VPS33A: variants seen among roughly 807,000 people sequenced by gnomAD.
VPS33A encodes the protein VPS33A core subunit of CORVET and HOPS complexes.
VPS33A carries 32 observed loss-of-function variants against 71.8 expected under a neutral mutation model. The ratio of observed to expected loss-of-function variants is 0.45; its 90% CI spans 0.34 to 0.60. The LOEUF is 0.60. Among genes scored for constraint, VPS33A ranks in the 20% least tolerant of loss-of-function variants. The pLI is 0.02. For missense variants in VPS33A, 625 were observed against 748.5 expected, an observed-to-expected ratio of 0.84 and a Z score of 1.92; for synonymous variants, 311 against 292.7, an observed-to-expected ratio of 1.06 and a Z score of -0.64.
rs1387242200 is a variant in VPS33A at position 122,259,259 on chromosome 12, GC to G, written c.483+2001del. On this transcript the variant is annotated intron_variant, in intron 4 of 12. Transcript: ENST00000267199. ...TTTGAGACAGAGTTTCACTCTTGTT[GC>G]CCAGGCTGGAGTGCAATGGCGTGAT... is the stretch of plus-strand genomic sequence containing the variant. 3.9e-5 allele frequency among the ~76,000 whole-genome samples: 6 copies of G among 151,970 alleles called. No homozygotes were observed. The East Asian group carries it at 1.2e-3, about 29-fold the overall frequency.
chr12:122,262,860 G>A (rs998722074), intron 3 of VPS33A, among the ~76,000 whole-genome samples: 23 of 151,860 alleles, frequency 1.5e-4, no homozygotes, highest in Non-Finnish European at 2.6e-4. Flanking sequence ...CATAGCAGGC[G>A]CATGTATTTA....
chr12:122,249,758 A>G, intron 6 of VPS33A, 113 bp downstream of exon 6: 1 of 1,080,030 alleles, frequency 9.3e-7, no homozygotes, highest in Non-Finnish European at 1.3e-6. Context: ...AATCATTAAA[A>G]TCGGATCTCT....
Position 122,232,297 on chromosome 12 carries a change from T to A in VPS33A, c.1740A>T (p.Lys580Asn), listed in dbSNP as rs770141578. The change falls in exon 13 of 13, where the codon AAA (lysine) becomes AAT (asparagine). Residue 580 changes from lysine (K) to asparagine (N), a missense_variant. Transcript: ENST00000267199. ...CTATCCAACTGGTTCCATTCATTAG[T>A]TTAGTGGTGGCAATGACATATTCTG... is the stretch of plus-strand genomic sequence containing the variant. ...GGTEYVIATTKLMNGTSWIEA... is the reference protein window; with the variant it reads ...GGTEYVIATTNLMNGTSWIEA... The A allele has an allele frequency of 6.2e-7, 1 of 1,614,116 alleles. No individual in the cohort carries two copies. The highest frequency in any genetic ancestry group is 8.5e-7 in the Non-Finnish European group (1 of 1,180,028).
At position 122,245,255 on chromosome 12, in the gene VPS33A, C is replaced by T. The variant is rs537359012; in HGVS notation, c.776-493G>A. Among the ~76,000 whole-genome samples the T allele has an allele frequency of 2.0e-4, 31 of 152,010 alleles. No homozygotes were observed. The South Asian group carries it at 6.2e-3, about 31-fold the overall frequency. Reference sequence around the variant, plus strand: ...CTGTTAGAGAAGCTAGTGGTGGCTTCGTTTTATTTTTTTTTTAAATAAAAC... The same window carrying T: ...CTGTTAGAGAAGCTAGTGGTGGCTTTGTTTTATTTTTTTTTTAAATAAAAC... On this transcript the variant is annotated intron_variant, in intron 6 of 12. Coordinates refer to ENST00000267199, the MANE Select transcript of VPS33A (RefSeq NM_022916.6).
At chr12:122,235,005 CAG>C (rs1165803024) in intron 11 of VPS33A, among the ~76,000 whole-genome samples, 1 of 152,132 alleles carries the variant, frequency 6.6e-6, no homozygotes, top group Non-Finnish European at 1.5e-5. Flanking sequence ...TTATTTGAGA[CAG>C]AGTCTTACTG....
At chr12:122,255,800 T>C (rs1954909854) in intron 4 of VPS33A, among the ~76,000 whole-genome samples, 1 of 151,608 alleles carries the variant, frequency 6.6e-6, no homozygotes, top group Non-Finnish European at 1.5e-5. Flanking sequence ...CCAGATTAAC[T>C]TTTTTATTTT....
chr12:122,260,488 G>C (rs894947391), intron 4 of VPS33A, among the ~76,000 whole-genome samples: 3 of 151,736 alleles, frequency 2.0e-5, no homozygotes, highest in Non-Finnish European at 4.4e-5. Flanking sequence ...TAGTAGAGAC[G>C]GGGTTTCCCC....
intron 6 of VPS33A, chr12:122,248,060 C>CTCTGTGTGTGTG (rs1555248711): frequency 6.7e-6 from 1 of 148,332 alleles, no homozygotes; most frequent in African/African-American, 2.5e-5. Flanking sequence ...CCAAATCCAG[C>CTCTGTGTGTGTG]TGTGTGTGTG....
chr12:122,251,016 G>A lies in VPS33A; in HGVS notation c.567C>T (p.Ile189=), dbSNP rs1207597756. Residue 189 remains isoleucine, a synonymous_variant, in exon 5 of 13, where the codon ATC becomes ATT. Coordinates refer to ENST00000267199, the MANE Select transcript of VPS33A (RefSeq NM_022916.6). ...LMTLQALYGT[I]PQIFGKGECA... The stretch of plus-strand genomic sequence containing the variant: ...ATTCTCCTTTCCCAAAGATCTGGGG[G>A]ATCGTTCCATACAGAGCTTGCAGGG... The A allele has an allele frequency of 1.9e-6, 3 of 1,614,068 alleles. No individual in the cohort carries two copies. The highest frequency in any genetic ancestry group is 2.2e-5 in the East Asian group (1 of 44,874).
At chr12:122,245,605 G>A (rs1344356127) in intron 6 of VPS33A, among the ~76,000 whole-genome samples, 3 of 152,028 alleles carry the variant, frequency 2.0e-5, no homozygotes, top group African/African-American at 4.8e-5. Flanking sequence ...CACCATGCCC[G>A]GCTAATTTTC....
intron 8 of VPS33A, among the ~76,000 whole-genome samples, chr12:122,241,928 G>C (rs967664031): frequency 6.9e-6 from 1 of 144,152 alleles, no homozygotes; most frequent in African/African-American, 2.6e-5. Context: ...TGTTTTTCGA[G>C]ATGGAGTCTC....
chr12:122,247,139 C>T (rs1308594281), intron 6 of VPS33A, among the ~76,000 whole-genome samples: 1 of 152,126 alleles, frequency 6.6e-6, no homozygotes, highest in Admixed American at 6.5e-5. Flanking sequence ...AGGATAATAA[C>T]GGATCTATGT....
intron 4 of VPS33A, among the ~76,000 whole-genome samples, chr12:122,252,651 C>T (rs942221139): frequency 7.2e-5 from 11 of 152,108 alleles, no homozygotes; most frequent in African/African-American, 2.4e-4. Context: ...ACTTTTGATA[C>T]AGGTGGATCA....
intron 1 of VPS33A, chr12:122,265,711 G>A (rs1566055892): frequency 4.4e-6 from 2 of 454,266 alleles, no homozygotes; most frequent in Non-Finnish European, 8.9e-6. Context: ...AGTAACTTAG[G>A]GTGACTGATA....
rs769294029 is a variant in VPS33A, at chr12:122,239,932, A to G, written c.1110T>C (p.Phe370=). 1.6e-5 allele frequency: 26 copies of G among 1,613,430 alleles called. No homozygotes were observed. Among genetic ancestry groups the G allele is most frequent in the Admixed American group, 6.7e-5 (4 of 59,874 alleles). Residue 370 remains phenylalanine, a synonymous_variant, in exon 9 of 13, where the codon TTT becomes TTC. Transcript: ENST00000267199. ...LIKDVTTSED[F]FDKLTVEQEF... ...CCTGTTCCACGGTTAATTTATCAAA[A>G]AAGTCTTCAGAAGCTAAAATGAAAT... is the stretch of plus-strand genomic sequence containing the variant.
At position 122,230,080 on chromosome 12, in the gene VPS33A, A is replaced by G. The variant is rs995697729; in HGVS notation, c.*2166T>C. 5.3e-5 allele frequency: 8 copies of G among 152,238 alleles called. No homozygotes were observed. In the South Asian group the frequency reaches 1.4e-3, roughly 28 times the overall value. The allele number at this position is 152,238 out of a possible 1,614,324, so 9.4% of individuals were successfully genotyped here. A position where few individuals can be genotyped will look rare whatever the true frequency, so the allele number is the denominator to read the frequency against. On this transcript the variant is annotated 3_prime_UTR_variant, in exon 13 of 13. Transcript: ENST00000267199. The stretch of plus-strand genomic sequence containing the variant: ...GTATAAACTAATCTCCCTGGGATAT[A>G]ACAAGTATTTAAAAAAGGATTTTCT...
rs1954589130 is a variant in VPS33A, at chr12:122,233,316, C to T, written c.1441-348G>A. Among the ~76,000 whole-genome samples the T allele has an allele frequency of 2.6e-5, 4 of 152,026 alleles. No individual in the cohort carries two copies. The South Asian group carries it at 6.2e-4, about 24-fold the overall frequency. ...TTTCAGCTCACTGCAACCTCCGCCTCCCTAGTTCAAGCAATTCTCCTGCCT... is the reference window on the plus strand; with the variant it reads ...TTTCAGCTCACTGCAACCTCCGCCTTCCTAGTTCAAGCAATTCTCCTGCCT... On this transcript the variant is annotated intron_variant, in intron 11 of 12. Coordinates refer to ENST00000267199, the MANE Select transcript of VPS33A (RefSeq NM_022916.6).
At position 122,235,893 on chromosome 12, in the gene VPS33A, G is replaced by T. The variant is rs144105987; in HGVS notation, c.1333C>A (p.His445Asn). The T allele has an allele frequency of 2.0e-5, 33 of 1,613,694 alleles. No individual in the cohort carries two copies. The African/African-American group carries it at 2.8e-4, about 14-fold the overall frequency. ...TYGYEHILTLHNLEKAGLLKP... is the reference protein window; with the variant it reads ...TYGYEHILTLNNLEKAGLLKP... The stretch of plus-strand genomic sequence containing the variant: ...AGCAGGCCGGCCTTCTCCAGGTTGT[G>T]TAAGGTCAATATGTGCTCATAGCCG... Residue 445 changes from histidine (H) to asparagine (N), a missense_variant, in exon 11 of 13, where the codon CAC (histidine) becomes AAC (asparagine). Physicochemically the swap from His to Asn is moderately conservative, Grantham distance 68. Transcript: ENST00000267199.
intron 1 of VPS33A, chr12:122,265,828 T>C: frequency 4.8e-6 from 2 of 416,822 alleles, no homozygotes; most frequent in South Asian, 1.6e-5. Flanking sequence ...AGAGAAGTTA[T>C]ACTGTTTTAG....
Sources: allele counts gnomAD v4.1 joint callset (sites outside exome capture counted in the v4.1 genomes callset), GRCh38; gene constraint gnomAD v4.1.1; transcripts MANE v1.5; gene names NCBI Gene and HGNC (gene_info 2026-07-23, HGNC 2026-07-21).